The following GUCY1A2 variants were observed in gnomAD, a reference collection of about 807,000 sequenced individuals.
GUCY1A2 encodes the protein guanylate cyclase 1 soluble subunit alpha 2.
GUCY1A2 carries 27 observed loss-of-function variants against 63.5 expected under a neutral mutation model. The observed-to-expected ratio is 0.43, with a 90% CI of 0.31 to 0.59. The LOEUF (loss-of-function observed/expected upper bound fraction) is 0.59, where lower values mean the gene tolerates loss of function less well. Ranked by LOEUF, GUCY1A2 falls within the 20% of genes least tolerant of loss-of-function variation. The pLI is 0.11. For missense variants in GUCY1A2, 768 were observed against 913.3 expected, an observed-to-expected ratio of 0.84 and a Z score of 2.05; for synonymous variants, 364 against 343.5, an observed-to-expected ratio of 1.06 and a Z score of -0.66.
At chr11:106,938,946 G>C (rs892867203) in intron 4 of GUCY1A2, among the ~76,000 whole-genome samples, 3 of 152,178 alleles carry the variant, frequency 2.0e-5, no homozygotes, top group Non-Finnish European at 4.4e-5. Flanking sequence ...GAAGTCTCGA[G>C]ATAGTCAATT....
At chr11:106,982,087 A>G (rs1467044989) in intron 2 of GUCY1A2, among the ~76,000 whole-genome samples, 1 of 152,172 alleles carries the variant, frequency 6.6e-6, no homozygotes, top group Non-Finnish European at 1.5e-5. Flanking sequence ...TATTATTCCC[A>G]TTTTTAAAAT....
chr11:106,714,405 T>C (rs1215345345), intron 6 of GUCY1A2, among the ~76,000 whole-genome samples: 2 of 152,182 alleles, frequency 1.3e-5, no homozygotes, highest in African/African-American at 4.8e-5. Context: ...CAGCAGACTG[T>C]TTTCTTTTGC....
At position 107,008,257 on chromosome 11, in the gene GUCY1A2, C is replaced by T. The variant is rs1254289759; in HGVS notation, c.303+9496G>A. 9.8e-5 allele frequency among the ~76,000 whole-genome samples: 13 copies of T among 132,816 alleles called. 1 individual carries two copies. The highest frequency in any genetic ancestry group is 1.7e-4 in the Non-Finnish European group (11 of 66,192). The allele number at this position is 132,816 out of a possible 152,430, so 87.1% of individuals were successfully genotyped here. On this transcript the variant is annotated intron_variant, in intron 1 of 7. Coordinates refer to ENST00000526355, the MANE Select transcript of GUCY1A2 (RefSeq NM_000855.3). ...TTGTGCCACTGTACTCCAGCTTGGG[C>T]GACAGAGCAAGACTCCATCTCAAAA...
intron 6 of GUCY1A2, among the ~76,000 whole-genome samples, chr11:106,774,528 G>T (rs1864320987): frequency 6.6e-6 from 1 of 152,122 alleles, no homozygotes; most frequent in African/African-American, 2.4e-5. Flanking sequence ...AACTTTTGCA[G>T]AATTCTTTGG....
At chr11:107,006,187 A>G (rs1472254942) in intron 1 of GUCY1A2, among the ~76,000 whole-genome samples, 2 of 152,248 alleles carry the variant, frequency 1.3e-5, no homozygotes, top group Non-Finnish European at 2.9e-5. Context: ...CCCAGAATGC[A>G]GAGAGTTAAA....
chr11:106,888,074 G>A (rs575812150), intron 4 of GUCY1A2, among the ~76,000 whole-genome samples: 4 of 152,138 alleles, frequency 2.6e-5, no homozygotes, highest in African/African-American at 9.6e-5. Context: ...TGGGGGTTGG[G>A]GGAATGAACA....
In GUCY1A2 at chr11:106,826,844, G is replaced by A. The variant is rs900983802; in HGVS notation, c.1207-16366C>T. 6.2e-6 allele frequency: 10 copies of A among 1,606,616 alleles called. No homozygotes were observed. In the South Asian group the frequency reaches 9.9e-5, roughly 16 times the overall value. On this transcript the variant is annotated intron_variant, in intron 4 of 7. Transcript: ENST00000526355. ...ATGTCACCGGCAGCATAGATATCAG[G>A]AAGGGATGTGTGCATATGATCATCC...
intron 1 of GUCY1A2, among the ~76,000 whole-genome samples, chr11:107,017,104 TAAGA>T (rs1420680205): frequency 2.0e-5 from 3 of 151,276 alleles, no homozygotes; most frequent in Admixed American, 1.3e-4. Flanking sequence ...GCCTAGTGGA[TAAGA>T]AAGAAAAAGA....
chr11:106,719,523 TTTGA>T (rs1863277530), intron 6 of GUCY1A2, among the ~76,000 whole-genome samples: 1 of 152,198 alleles, frequency 6.6e-6, no homozygotes, highest in Non-Finnish European at 1.5e-5. Context: ...TAATAATGAG[TTTGA>T]TTGTTAAACA....
rs577924715 is a variant in GUCY1A2, at chr11:106,903,265, TCTA to T, written c.1206+36192_1206+36194del. 4.2e-3 allele frequency among the ~76,000 whole-genome samples: 639 copies of T among 152,290 alleles called. 4 individuals are homozygous for T. Among genetic ancestry groups the T allele is most frequent in the African/African-American group, 0.015 (624 of 41,572 alleles). ...AGCCTTCACAGCCAGTCAATTTCAT[TCTA>T]CTCTTCTTTAATGCTGTCTGGCCAC... is the stretch of plus-strand genomic sequence containing the variant. On this transcript the variant is annotated intron_variant, in intron 4 of 7. Transcript: ENST00000526355.
rs144600064 is a variant in GUCY1A2, at chr11:106,687,825, T to C, written c.1992-69A>G. 3.6e-4 allele frequency: 384 copies of C among 1,069,878 alleles called. 2 individuals are homozygous for C. The East Asian group carries it at 8.9e-3, about 25-fold the overall frequency. The allele number at this position is 1,069,878 out of a possible 1,614,324, so 66.3% of individuals were successfully genotyped here. ...AATGTAAATACATGGACAGAAATTTTAAAGGCTCAGGAAGCCTATCTCTGA... is the reference window on the plus strand; with the variant it reads ...AATGTAAATACATGGACAGAAATTTCAAAGGCTCAGGAAGCCTATCTCTGA... On this transcript the variant is annotated intron_variant, in intron 7 of 7. Coordinates refer to ENST00000526355, the MANE Select transcript of GUCY1A2 (RefSeq NM_000855.3).
rs10560155 is a variant in GUCY1A2, at chr11:106,794,497, TACACACACAC to T, written c.1692+15486_1692+15495del. On this transcript the variant is annotated intron_variant, in intron 5 of 7. Transcript: ENST00000526355. ...GAGAGTAGATATTAAATGTCCTCAC[TACACACACAC>T]ACACACACACAGAAACACAAAGGTA... Among the ~76,000 whole-genome samples, 190 of 150,232 alleles carry T rather than the reference TACACACACAC, an allele frequency of 1.3e-3. 1 individual carries two copies. The highest frequency in any genetic ancestry group is 2.3e-3 in the Admixed American group (34 of 15,002).
At chr11:106,871,877 T>C (rs889456632) in intron 4 of GUCY1A2, among the ~76,000 whole-genome samples, 4 of 152,176 alleles carry the variant, frequency 2.6e-5, no homozygotes, top group African/African-American at 7.2e-5. Context: ...AGGAAAATAT[T>C]AGCTGGTTTA....
intron 7 of GUCY1A2, among the ~76,000 whole-genome samples, chr11:106,697,855 T>A (rs1226227072): frequency 6.6e-6 from 1 of 152,148 alleles, no homozygotes; most frequent in East Asian, 1.9e-4. Flanking sequence ...AGTTTTTTCA[T>A]ACCTTCTATA....
chr11:106,858,907 T>A (rs967016114), intron 4 of GUCY1A2, among the ~76,000 whole-genome samples: 1 of 152,050 alleles, frequency 6.6e-6, no homozygotes, highest in African/African-American at 2.4e-5. Flanking sequence ...AGCAGATAAT[T>A]GTGTTTTGAT....
rs138593429 is a variant in GUCY1A2 at position 106,939,838 on chromosome 11, T to G, written c.828A>C (p.Leu276=). The G allele has an allele frequency of 2.0e-4, 320 of 1,613,922 alleles. 1 individual carries two copies. The highest frequency in any genetic ancestry group is 1.5e-3 in the South Asian group (134 of 91,070). ...VEVEQVANEK[L]CSDVSNPGNC... ...TGCCTGGGTTTGAAACATCAGAGCA[T>G]AGCTTCTCATTTGCAACCTGTTCCA... Residue 276 remains leucine (L), a synonymous_variant, in exon 4 of 8, where the codon CTA becomes CTC. Coordinates refer to ENST00000526355, the MANE Select transcript of GUCY1A2 (RefSeq NM_000855.3).
chr11:106,713,502 T>C (rs1206007902), intron 6 of GUCY1A2, among the ~76,000 whole-genome samples: 61 of 84,710 alleles, frequency 7.2e-4, no homozygotes, highest in African/African-American at 2.3e-3. Flanking sequence ...GTTTCTTTTT[T>C]TTTTTTTTTT....
At position 106,683,917 on chromosome 11, in the gene GUCY1A2, G is replaced by A. The variant is rs1027603164; in HGVS notation, c.*3632C>T. 2.0e-5 allele frequency: 4 copies of A among 201,690 alleles called. No homozygotes were observed. Among genetic ancestry groups the A allele is most frequent in the African/African-American group, 9.2e-5 (4 of 43,464 alleles). 12.5% of individuals were successfully genotyped at this position (201,690 alleles called of 1,614,324 possible). On this transcript the variant is annotated 3_prime_UTR_variant, in exon 8 of 8. Transcript: ENST00000526355. ...TGATTCTATACAAAACACAGAGCCT[G>A]GTGGGGTTTTCAGAATTCTCCATGG...
intron 6 of GUCY1A2, among the ~76,000 whole-genome samples, chr11:106,731,013 A>G (rs1418575014): frequency 1.2e-4 from 18 of 152,034 alleles, no homozygotes; most frequent in Non-Finnish European, 2.6e-4. Context: ...GATTCCAGAT[A>G]TTAGACCTTA....
Sources: gnomAD v4.1 joint callset for allele counts (sites outside exome capture counted in the v4.1 genomes callset) on GRCh38, gnomAD v4.1.1 for gene constraint, MANE v1.5 for transcripts, NCBI Gene and HGNC (gene_info 2026-07-23, HGNC 2026-07-21) for gene names.